Variants in HSD17B11 observed in about 807,000 individuals in gnomAD.
HSD17B11 encodes hydroxysteroid 17-beta dehydrogenase 11.
HSD17B11 carries 22 observed loss-of-function variants against 27.8 expected under a neutral mutation model. The ratio of observed to expected loss-of-function variants is 0.79; its 90% CI spans 0.56 to 1.13. The LOEUF (loss-of-function observed/expected upper bound fraction) is 1.13, where lower values mean the gene tolerates loss of function less well. Ranked by LOEUF, HSD17B11 falls within the 50% of genes most tolerant of loss-of-function variation. HSD17B11 has a pLI of 0.00. For synonymous variants in HSD17B11, 117 were observed against 132.8 expected (o/e 0.88, Z 0.82); for missense variants, 314 against 351.1 (o/e 0.89, Z 0.84).
At chr4:87,384,794 T>C (rs1184762518) in intron 1 of HSD17B11, among the ~76,000 whole-genome samples, 2 of 151,856 alleles carry the variant, frequency 1.3e-5, no homozygotes, top group African/African-American at 2.4e-5. Flanking sequence ...CCACTGAACA[T>C]AGACCCTTAT....
intron 1 of HSD17B11, among the ~76,000 whole-genome samples, chr4:87,382,873 G>A (rs990009478): frequency 7.9e-5 from 12 of 152,096 alleles, no homozygotes; most frequent in African/African-American, 9.7e-5. Context: ...GTAGAGTCCC[G>A]ACCCCAAGAA....
intron 4 of HSD17B11, among the ~76,000 whole-genome samples, chr4:87,357,824 AG>A (rs1416862035): frequency 6.6e-6 from 1 of 152,018 alleles, no homozygotes; most frequent in Admixed American, 6.5e-5. Flanking sequence ...TTTAAGTCAC[AG>A]CTTCACTTCC....
intron 4 of HSD17B11, among the ~76,000 whole-genome samples, chr4:87,369,445 T>C (rs1272546604): frequency 6.6e-6 from 1 of 151,882 alleles, no homozygotes; most frequent in African/African-American, 2.4e-5. Context: ...TTTTTTTTTT[T>C]CTTTTTGTGT....
At chr4:87,346,466 T>A (rs187782701) in intron 5 of HSD17B11, among the ~76,000 whole-genome samples, 2 of 151,970 alleles carry the variant, frequency 1.3e-5, no homozygotes, top group Non-Finnish European at 2.9e-5. Context: ...CTGGCCCACA[T>A]GGCAAAACCC....
At chr4:87,363,752 C>A (rs778225522) in intron 4 of HSD17B11, among the ~76,000 whole-genome samples, 2 of 152,190 alleles carry the variant, frequency 1.3e-5, no homozygotes, top group Admixed American at 6.5e-5. Context: ...CTGCCCAGAC[C>A]TGTAGCTCAG....
intron 4 of HSD17B11, among the ~76,000 whole-genome samples, chr4:87,366,737 A>AAAAGGTGGTTTACTTT (rs1286275726): frequency 6.6e-6 from 1 of 152,144 alleles, no homozygotes; most frequent in Non-Finnish European, 1.5e-5. Context: ...AATCTTCTTT[A>AAAAGGTGGTTTACTTT]AAAGGTGGTT....
At chr4:87,357,451 T>C in intron 4 of HSD17B11, 35 bp from the exon 5 acceptor site, 1 of 1,591,296 alleles carries the variant, frequency 6.3e-7, no homozygotes, top group South Asian at 1.1e-5. Context: ...AATTCAAGAA[T>C]TCTGAAATGT....
intron 2 of HSD17B11, among the ~76,000 whole-genome samples, chr4:87,379,945 T>C (rs2110130462): frequency 6.8e-6 from 1 of 147,138 alleles, no homozygotes; most frequent in East Asian, 2.0e-4. Context: ...TATAAGTATA[T>C]AATATTTATC....
intron 2 of HSD17B11, among the ~76,000 whole-genome samples, chr4:87,381,163 G>T (rs1384221771): frequency 1.4e-5 from 2 of 143,856 alleles, no homozygotes; most frequent in African/African-American, 2.6e-5. Context: ...CTCCAGCCTG[G>T]GCGACAGAGT....
intron 2 of HSD17B11, among the ~76,000 whole-genome samples, chr4:87,378,927 TAAA>T (rs1720041608): frequency 3.9e-4 from 5 of 12,698 alleles, no homozygotes; most frequent in Non-Finnish European, 6.2e-4. Context: ...TAAATATATA[TAAA>T]TATATATATA....
intron 4 of HSD17B11, 90 bp from the exon 5 acceptor site, chr4:87,357,506 T>C: frequency 8.0e-7 from 1 of 1,243,242 alleles, no homozygotes; most frequent in Admixed American, 2.8e-5. Context: ...CAGAGCAATG[T>C]GGGCATTCCC....
At chr4:87,362,398 T>TG (rs1165606933) in intron 4 of HSD17B11, among the ~76,000 whole-genome samples, 14 of 152,270 alleles carry the variant, frequency 9.2e-5, no homozygotes, top group African/African-American at 3.4e-4. Context: ...TGGTGATGCA[T>TG]GCCTGTAATC....
At chr4:87,379,509 T>G (rs1720070129) in intron 2 of HSD17B11, among the ~76,000 whole-genome samples, 1 of 146,810 alleles carries the variant, frequency 6.8e-6, no homozygotes, top group South Asian at 2.1e-4. Flanking sequence ...TATATATACA[T>G]ATATAATATG....
At chr4:87,346,869 GA>G (rs1455954683) in intron 5 of HSD17B11, among the ~76,000 whole-genome samples, 1 of 151,352 alleles carries the variant, frequency 6.6e-6, no homozygotes, top group East Asian at 1.9e-4. Context: ...GTCTCTAAAA[GA>G]AAAAATATAT....
rs1018789544 is a variant in HSD17B11 at position 87,357,195 on chromosome 4, A to G, written c.695+84T>C. On this transcript the variant is annotated intron_variant, in intron 5 of 6. Transcript: ENST00000358290. ...AGAGCTTTAACTATCAGGTGTTTTC[A>G]GGATTAAAACATTTAGGAAAACCCA... The G allele has an allele frequency of 4.3e-6, 6 of 1,386,918 alleles. No homozygotes were observed. In the Admixed American group the frequency reaches 1.5e-4, roughly 35 times the overall value. 85.9% of individuals were successfully genotyped at this position (1,386,918 alleles called of 1,614,324 possible). A position where few individuals can be genotyped will look rare whatever the true frequency, so the allele number is the denominator to read the frequency against.
At chr4:87,363,734 A>G (rs1428816764) in intron 4 of HSD17B11, among the ~76,000 whole-genome samples, 1 of 152,242 alleles carries the variant, frequency 6.6e-6, no homozygotes, top group African/African-American at 2.4e-5. Context: ...TGAGAAAAGA[A>G]ATAGACACTG....
intron 2 of HSD17B11, among the ~76,000 whole-genome samples, chr4:87,378,921 TATATATAA>T (rs1241151856): frequency 0.16 from 2,578 of 15,946 alleles, 489 homozygotes; most frequent in East Asian, 0.4. Context: ...TATATATAAA[TATATATAA>T]ATATATATAT....
At chr4:87,372,940 T>A (rs939342470) in intron 3 of HSD17B11, 125 bp from the exon 4 acceptor site, 18 of 627,898 alleles carry the variant, frequency 2.9e-5, no homozygotes, top group Non-Finnish European at 4.7e-5. Flanking sequence ...AAAAACAAAC[T>A]AACTGACAAA....
intron 2 of HSD17B11, among the ~76,000 whole-genome samples, chr4:87,378,819 AATATATATATAAATAT>A (rs1398060298): frequency 2.5e-5 from 1 of 40,454 alleles, no homozygotes; most frequent in Non-Finnish European, 4.4e-5. Context: ...ATAAATATAA[AATATATATATAAATAT>A]ATATATATAA....
Sources: allele counts gnomAD v4.1 joint callset (sites outside exome capture counted in the v4.1 genomes callset), GRCh38; gene constraint gnomAD v4.1.1; transcripts MANE v1.5; gene names NCBI Gene and HGNC (gene_info 2026-07-23, HGNC 2026-07-21).